The following DPYD variants were observed in gnomAD, a reference collection of about 807,000 sequenced individuals.
DPYD encodes dihydropyrimidine dehydrogenase.
In DPYD, 109 loss-of-function variants were observed where a neutral mutation model predicts 116.2. That is an observed-to-expected ratio of 0.94 (90% confidence interval 0.80 to 1.10). The LOEUF is 1.10. Among genes scored for constraint, DPYD ranks in the 50% least tolerant of loss-of-function variants. DPYD has a pLI of 0.00. For synonymous variants in DPYD, 440 were observed against 432.0 expected (o/e 1.02, Z -0.23); for missense variants, 1,302 against 1,254.5 (o/e 1.04, Z -0.57).
At position 97,740,377 on chromosome 1, in the gene DPYD, TA is replaced by T; in HGVS notation, c.321+14del. The T allele has an allele frequency of 6.3e-7, 1 of 1,593,966 alleles. No homozygotes were observed. The highest frequency in any genetic ancestry group is 8.6e-7 in the Non-Finnish European group (1 of 1,162,198). On this transcript the variant is annotated intron_variant, in intron 4 of 22. Transcript: ENST00000370192. ...ATACTGTTATTTTCATTTGCAGAGT[TA>T]AATCTGAATTTACCTTGTTTGCAAT...
intron 19 of DPYD, among the ~76,000 whole-genome samples, chr1:97,216,048 C>T (rs974464190): frequency 9.2e-5 from 14 of 152,114 alleles, no homozygotes; most frequent in African/African-American, 3.4e-4. Flanking sequence ...TACTTTCCTG[C>T]TTTTTTGTGT....
chr1:97,669,784 G>A (rs1438678944), intron 8 of DPYD, among the ~76,000 whole-genome samples: 1 of 152,136 alleles, frequency 6.6e-6, no homozygotes, highest in Non-Finnish European at 1.5e-5. Flanking sequence ...ACTTTGGTAA[G>A]ATTGTTCTAG....
At chr1:97,114,018 C>G (rs1165206787) in intron 20 of DPYD, among the ~76,000 whole-genome samples, 1 of 152,010 alleles carries the variant, frequency 6.6e-6, no homozygotes, top group Non-Finnish European at 1.5e-5. Context: ...TCTCATTACT[C>G]CTAGGGCGAT....
Position 97,508,884 on chromosome 1 carries a change from T to C in DPYD, c.1740+6842A>G, listed in dbSNP as rs142718280. 3.9e-3 allele frequency among the ~76,000 whole-genome samples: 591 copies of C among 152,056 alleles called. 3 individuals carry two copies. The highest frequency in any genetic ancestry group is 0.013 in the African/African-American group (558 of 41,532). On this transcript the variant is annotated intron_variant, in intron 13 of 22. Coordinates refer to ENST00000370192, the MANE Select transcript of DPYD (RefSeq NM_000110.4). The stretch of plus-strand genomic sequence containing the variant: ...ATTATATTGTGCAACTTCCGAGCCT[T>C]GGCATCAAGAGGATTTGCAACTTCT...
intron 18 of DPYD, among the ~76,000 whole-genome samples, chr1:97,275,916 G>T (rs1388116451): frequency 6.6e-6 from 1 of 151,910 alleles, no homozygotes; most frequent in Non-Finnish European, 1.5e-5. Flanking sequence ...TCTTTTGCTG[G>T]ATCTTCTTAC....
chr1:97,458,668 C>T (rs2101816673), intron 13 of DPYD, among the ~76,000 whole-genome samples: 1 of 152,238 alleles, frequency 6.6e-6, no homozygotes, highest in Non-Finnish European at 1.5e-5. Flanking sequence ...GTGATGCTCT[C>T]ACTAGAAAAT....
At chr1:97,787,697 G>A (rs938783145) in intron 3 of DPYD, among the ~76,000 whole-genome samples, 5 of 151,974 alleles carry the variant, frequency 3.3e-5, no homozygotes, top group Non-Finnish European at 4.4e-5. Flanking sequence ...AAGTTCCGTC[G>A]AACAAGGCTA....
At chr1:97,466,278 C>T (rs966465724) in intron 13 of DPYD, among the ~76,000 whole-genome samples, 5 of 152,144 alleles carry the variant, frequency 3.3e-5, no homozygotes, top group Admixed American at 2.0e-4. Flanking sequence ...TCAAAATCTT[C>T]CTATCACTTT....
chr1:97,351,061 C>T (rs1670115436), intron 16 of DPYD, among the ~76,000 whole-genome samples: 3 of 152,118 alleles, frequency 2.0e-5, no homozygotes, highest in Admixed American at 2.0e-4. Flanking sequence ...TAAATAATTT[C>T]CCTGTGACAT....
At chr1:97,091,017 A>G (rs1167787376) in intron 21 of DPYD, among the ~76,000 whole-genome samples, 1 of 152,234 alleles carries the variant, frequency 6.6e-6, no homozygotes, top group African/African-American at 2.4e-5. Context: ...AGAACAAAAG[A>G]TGAGATCTAC....
chr1:97,272,096 C>T (rs1398275242), intron 18 of DPYD, among the ~76,000 whole-genome samples: 1 of 152,156 alleles, frequency 6.6e-6, no homozygotes, highest in Non-Finnish European at 1.5e-5. Flanking sequence ...GGTCTCCATT[C>T]AATTTGACAC....
At chr1:97,382,208 T>C (rs1672013657) in intron 15 of DPYD, among the ~76,000 whole-genome samples, 185 bp downstream of exon 15, 1 of 152,204 alleles carries the variant, frequency 6.6e-6, no homozygotes, top group Middle Eastern at 3.2e-3. Flanking sequence ...AAATTCCTTT[T>C]AAATTTACAT....
At chr1:97,142,370 G>T (rs1050742139) in intron 20 of DPYD, among the ~76,000 whole-genome samples, 1 of 151,882 alleles carries the variant, frequency 6.6e-6, no homozygotes, top group Admixed American at 6.6e-5. Context: ...CATTAGAAAA[G>T]AAAAAGAAAC....
At chr1:97,360,519 T>A (rs529879597) in intron 16 of DPYD, among the ~76,000 whole-genome samples, 7 of 152,190 alleles carry the variant, frequency 4.6e-5, no homozygotes, top group African/African-American at 1.7e-4. Flanking sequence ...CAGCACCACA[T>A]CACACTAATT....
intron 16 of DPYD, among the ~76,000 whole-genome samples, chr1:97,350,000 A>T (rs1290417095): frequency 6.6e-6 from 1 of 152,094 alleles, no homozygotes; most frequent in Non-Finnish European, 1.5e-5. Flanking sequence ...GTAAGCAAAA[A>T]GAGAAGAAAT....
At chr1:97,306,385 G>T in intron 16 of DPYD, 88 bp from the exon 17 acceptor site, 2 of 1,556,706 alleles carry the variant, frequency 1.3e-6, no homozygotes, top group Non-Finnish European at 8.8e-7. Context: ...CTGGAGACGT[G>T]CAAGACAAAT....
chr1:97,405,976 T>A (rs1047183737), intron 14 of DPYD, among the ~76,000 whole-genome samples: 3 of 152,166 alleles, frequency 2.0e-5, no homozygotes, highest in African/African-American at 4.8e-5. Flanking sequence ...GAGAAGTTTG[T>A]CAAGCTTCTC....
chr1:97,877,049 T>C (rs1430681155), intron 2 of DPYD, among the ~76,000 whole-genome samples: 1 of 151,858 alleles, frequency 6.6e-6, no homozygotes, highest in African/African-American at 2.4e-5. Context: ...ATACCAGGTG[T>C]GGGTAAATGA....
intron 19 of DPYD, among the ~76,000 whole-genome samples, chr1:97,211,691 T>C (rs980859642): frequency 6.6e-6 from 1 of 152,152 alleles, no homozygotes; most frequent in African/African-American, 2.4e-5. Context: ...AAGGAAATAC[T>C]CTAATTTTAA....
Sources: allele counts gnomAD v4.1 joint callset (sites outside exome capture counted in the v4.1 genomes callset), GRCh38; gene constraint gnomAD v4.1.1; transcripts MANE v1.5; gene names NCBI Gene and HGNC (gene_info 2026-07-23, HGNC 2026-07-21).